Variants in TJP1 observed in about 807,000 individuals in gnomAD.
The protein encoded by TJP1 is tight junction protein ZO-1.
In TJP1, 43 loss-of-function variants were observed where a neutral mutation model predicts 194.2. That is an observed-to-expected ratio of 0.22 (90% CI 0.17 to 0.29). The LOEUF is 0.29. TJP1 is among the 10% of genes least tolerant of loss of function. TJP1 has a pLI of 1.00. For missense variants in TJP1, 1,971 were observed against 2,185.7 expected (o/e 0.90, Z 1.96); for synonymous variants, 801 against 779.0 (o/e 1.03, Z -0.47).
At chr15:29,948,086 A>G (rs2055344326) in intron 2 of TJP1, among the ~76,000 whole-genome samples, 3 of 152,112 alleles carry the variant, frequency 2.0e-5, no homozygotes, top group East Asian at 3.9e-4. Context: ...ACAACATGGT[A>G]AAACCCCATC....
chr15:29,809,942 T>A (rs555931307), intron 1 of TJP1, among the ~76,000 whole-genome samples: 4 of 152,304 alleles, frequency 2.6e-5, no homozygotes, highest in Non-Finnish European at 5.9e-5. Flanking sequence ...AAAAAAGACA[T>A]CTTTTAGAGA....
intron 1 of TJP1, among the ~76,000 whole-genome samples, chr15:29,805,600 T>C (rs2049059813): frequency 1.3e-5 from 2 of 152,016 alleles, no homozygotes; most frequent in South Asian, 4.2e-4. Flanking sequence ...CAAAAAAAGG[T>C]CCCTCTCCCT....
At chr15:29,717,943 G>T in intron 22 of TJP1, 78 bp downstream of exon 22, 1 of 1,264,772 alleles carries the variant, frequency 7.9e-7, no homozygotes, top group Non-Finnish European at 1.1e-6. Flanking sequence ...TACTAACACA[G>T]TAAAAGGTTT....
chr15:29,958,669 A>G (rs1026121024), intron 1 of TJP1, among the ~76,000 whole-genome samples: 1 of 152,168 alleles, frequency 6.6e-6, no homozygotes, highest in African/African-American at 2.4e-5. Context: ...ATGTACACAC[A>G]CACACACATA....
chr15:29,819,054 G>C (rs1229671691), intron 1 of TJP1, among the ~76,000 whole-genome samples: 1 of 152,192 alleles, frequency 6.6e-6, no homozygotes, highest in Non-Finnish European at 1.5e-5. Context: ...CTGACCTCAA[G>C]TGACCCACCC....
intron 25 of TJP1, among the ~76,000 whole-genome samples, chr15:29,706,222 C>T (rs1006456262): frequency 5.9e-5 from 9 of 152,148 alleles, no homozygotes; most frequent in African/African-American, 1.9e-4. Context: ...CGTGAGCCAC[C>T]GCGCCTGGCG....
At chr15:29,828,074 C>T (rs1168747894) in intron 2 of TJP1, among the ~76,000 whole-genome samples, 1 of 152,158 alleles carries the variant, frequency 6.6e-6, no homozygotes, top group Non-Finnish European at 1.5e-5. Flanking sequence ...CCTATAATTA[C>T]CCAGGAATAC....
intron 8 of TJP1, among the ~76,000 whole-genome samples, chr15:29,750,218 G>A (rs2045168132): frequency 6.6e-6 from 1 of 152,124 alleles, no homozygotes; most frequent in East Asian, 1.9e-4. Flanking sequence ...GTGTTAGCCA[G>A]GATGGTCTTG....
At chr15:29,870,806 C>T (rs544642835) in intron 2 of TJP1, among the ~76,000 whole-genome samples, 63 of 152,316 alleles carry the variant, frequency 4.1e-4, no homozygotes, top group Middle Eastern at 3.4e-3. Flanking sequence ...ATCTCTTACA[C>T]CTGCTTATGG....
chr15:29,941,633 G>C (rs1270541658), intron 2 of TJP1, among the ~76,000 whole-genome samples: 1 of 152,090 alleles, frequency 6.6e-6, no homozygotes, highest in African/African-American at 2.4e-5. Context: ...AGTCCTTCCA[G>C]ATCCAGTTTC....
chr15:29,830,321 T>G (rs537958954), intron 2 of TJP1, among the ~76,000 whole-genome samples: 10 of 150,248 alleles, frequency 6.7e-5, no homozygotes, highest in African/African-American at 2.4e-4. Flanking sequence ...TAATATTATT[T>G]ATATGATAAA....
chr15:29,708,489 A>G (rs1467700388), intron 25 of TJP1, 70 bp downstream of exon 25: 32 of 1,294,668 alleles, frequency 2.5e-5, no homozygotes, highest in Non-Finnish European at 3.0e-5. Context: ...TCCCAAGTCA[A>G]ATAAACTACA....
At chr15:29,826,661 C>T (rs914919751), upstream of TJP1, among the ~76,000 whole-genome samples, 2 of 152,176 alleles carry the variant, frequency 1.3e-5, no homozygotes, top group Admixed American at 6.5e-5. Flanking sequence ...TCTGTATCAT[C>T]TTCATCCTGT....
chr15:29,767,864 A>C (rs2085306468), intron 4 of TJP1, among the ~76,000 whole-genome samples: 1 of 151,866 alleles, frequency 6.6e-6, no homozygotes, highest in African/African-American at 2.4e-5. Flanking sequence ...GATGAACAAA[A>C]CCCTTGTATT....
chr15:29,914,863 TACAC>T (rs10534109), intron 2 of TJP1, among the ~76,000 whole-genome samples: 6 of 146,392 alleles, frequency 4.1e-5, no homozygotes, highest in African/African-American at 8.0e-5. Context: ...CACACACACA[TACAC>T]ACACACACAC....
intron 2 of TJP1, among the ~76,000 whole-genome samples, chr15:29,916,737 G>A (rs1035648923): frequency 2.0e-5 from 3 of 152,136 alleles, no homozygotes; most frequent in African/African-American, 7.2e-5. Flanking sequence ...CACATTTATA[G>A]AGCAAATGTA....
intron 2 of TJP1, among the ~76,000 whole-genome samples, chr15:29,835,586 G>T (rs1486400108): frequency 1.3e-5 from 2 of 152,110 alleles, no homozygotes; most frequent in Admixed American, 6.5e-5. Flanking sequence ...GGAGGTTGAG[G>T]CTGCAGTGAG....
At chr15:29,740,413 C>G (rs891692255) in intron 10 of TJP1, among the ~76,000 whole-genome samples, 2 of 152,068 alleles carry the variant, frequency 1.3e-5, no homozygotes, top group African/African-American at 4.8e-5. Flanking sequence ...ACTGCTTGAG[C>G]CCAGGACTTT....
intron 1 of TJP1, among the ~76,000 whole-genome samples, chr15:29,802,557 G>A (rs980997474): frequency 6.7e-6 from 1 of 149,366 alleles, no homozygotes; most frequent in Admixed American, 6.7e-5. Context: ...ACCTCCACTG[G>A]AAACAAAGCT....
Sources: gnomAD v4.1 joint callset for allele counts (sites outside exome capture counted in the v4.1 genomes callset) on GRCh38, gnomAD v4.1.1 for gene constraint, MANE v1.5 for transcripts, NCBI Gene and HGNC (gene_info 2026-07-23, HGNC 2026-07-21) for gene names.